Variants in MCTP2 observed in about 807,000 individuals in gnomAD.
MCTP2 encodes multiple C2 and transmembrane domain containing 2.
In MCTP2, 132 loss-of-function variants were observed where a neutral mutation model predicts 111.6. That is an observed-to-expected ratio of 1.18 (90% CI 1.03 to 1.37). The LOEUF (loss-of-function observed/expected upper bound fraction) is 1.37. Ranked by LOEUF, MCTP2 falls within the 40% of genes most tolerant of loss-of-function variation. The pLI, the probability that MCTP2 is intolerant of heterozygous loss-of-function variation, is 0.00. For missense variants in MCTP2, 1,183 were observed against 1,067.9 expected (o/e 1.11, Z -1.50); for synonymous variants, 395 against 387.7 (o/e 1.02, Z -0.22).
rs147054727 is a variant in MCTP2, at chr15:94,421,163, C to T, written c.2086-19013C>T. Among the ~76,000 whole-genome samples, 559 of 151,568 alleles carry T rather than the reference C, an allele frequency of 3.7e-3. 1 individual carries two copies. The highest frequency in any genetic ancestry group is 4.9e-3 in the Non-Finnish European group (334 of 67,944). ...TATTTACTTCACCTTTTTAGACATA[C>T]GCTGTTGCATACTTAATGTTGCAAC... On this transcript the variant is annotated intron_variant, in intron 17 of 22. Coordinates refer to ENST00000357742, the MANE Select transcript of MCTP2 (RefSeq NM_001385001.1).
intron 17 of MCTP2, among the ~76,000 whole-genome samples, chr15:94,417,155 A>G (rs2082413761): frequency 6.6e-6 from 1 of 152,134 alleles, no homozygotes; most frequent in South Asian, 2.1e-4. Context: ...TATTAAAATA[A>G]ACAATCCCTT....
chr15:94,458,676 C>G (rs1350537641), intron 20 of MCTP2, among the ~76,000 whole-genome samples: 1 of 152,146 alleles, frequency 6.6e-6, no homozygotes, highest in African/African-American at 2.4e-5. Flanking sequence ...AGATACACAT[C>G]TAGTAGCACC....
intron 4 of MCTP2, among the ~76,000 whole-genome samples, chr15:94,330,060 T>C (rs184649416): frequency 1.3e-5 from 2 of 152,368 alleles, no homozygotes; most frequent in East Asian, 3.9e-4. Flanking sequence ...TGGCATGTTT[T>C]TTCTATGCCT....
chr15:94,355,402 G>T (rs897274265), intron 8 of MCTP2, among the ~76,000 whole-genome samples: 35 of 152,284 alleles, frequency 2.3e-4, no homozygotes, highest in Admixed American at 7.2e-4. Flanking sequence ...AAAATGAAGT[G>T]TGACTACTCT....
chr15:94,282,381 T>G (rs1301000282), intron 1 of MCTP2, among the ~76,000 whole-genome samples: 2 of 152,236 alleles, frequency 1.3e-5, no homozygotes, highest in Non-Finnish European at 2.9e-5. Context: ...CATGAGTGAT[T>G]CATTTCCAGA....
chr15:94,244,598 G>A (rs1429116711), intron 1 of MCTP2, among the ~76,000 whole-genome samples: 1 of 143,982 alleles, frequency 6.9e-6, no homozygotes, highest in South Asian at 2.2e-4. Context: ...ATGCACCTAT[G>A]TTTATATACG....
intron 17 of MCTP2, among the ~76,000 whole-genome samples, chr15:94,404,449 G>T (rs148490403): frequency 2.0e-5 from 3 of 151,574 alleles, no homozygotes; most frequent in African/African-American, 7.3e-5. Context: ...CTACAGGCAC[G>T]CACCACCATG....
At chr15:94,319,368 CAG>C (rs1432939224) in intron 4 of MCTP2, among the ~76,000 whole-genome samples, 1 of 152,180 alleles carries the variant, frequency 6.6e-6, no homozygotes, top group Admixed American at 6.5e-5. Flanking sequence ...AACCCAGACT[CAG>C]AAGTTTTATC....
At position 94,379,907 on chromosome 15, in the gene MCTP2, G is replaced by A. The variant is rs1030035387; in HGVS notation, c.1583-4115G>A. On this transcript the variant is annotated intron_variant, in intron 12 of 22. Coordinates refer to ENST00000357742, the MANE Select transcript of MCTP2 (RefSeq NM_001385001.1). ...ATATATAATATATATGATATATAAT[G>A]TATAATATAATATATATAATATATA... Among the ~76,000 whole-genome samples the A allele has an allele frequency of 2.8e-5, 4 of 145,140 alleles. No individual in the cohort carries two copies. The East Asian group carries it at 5.9e-4, about 21-fold the overall frequency.
intron 1 of MCTP2, among the ~76,000 whole-genome samples, chr15:94,243,748 T>C (rs1173425523): frequency 1.4e-5 from 2 of 147,098 alleles, no homozygotes; most frequent in African/African-American, 2.5e-5. Context: ...CATATATGTA[T>C]ACACATGCAT....
At chr15:94,243,910 T>G (rs2071403267) in intron 1 of MCTP2, among the ~76,000 whole-genome samples, 2 of 125,822 alleles carry the variant, frequency 1.6e-5, no homozygotes, top group African/African-American at 5.7e-5. Flanking sequence ...CACATACATA[T>G]GTGTATATAT....
chr15:94,270,212 C>T (rs1391434840), intron 1 of MCTP2, among the ~76,000 whole-genome samples: 1 of 152,164 alleles, frequency 6.6e-6, no homozygotes, highest in Non-Finnish European at 1.5e-5. Context: ...AATGTTTCCA[C>T]CCCAAGTGCC....
chr15:94,336,238 T>C (rs2077353410), intron 4 of MCTP2, among the ~76,000 whole-genome samples: 1 of 152,008 alleles, frequency 6.6e-6, no homozygotes, highest in Non-Finnish European at 1.5e-5. Context: ...GGAATGACCT[T>C]CTCTGCCTGT....
chr15:94,410,165 A>G (rs1181654769), intron 17 of MCTP2, among the ~76,000 whole-genome samples: 3 of 152,340 alleles, frequency 2.0e-5, no homozygotes, highest in African/African-American at 7.2e-5. Context: ...TTGGTGGGTG[A>G]TGGTATTCTT....
chr15:94,243,287 G>A lies in MCTP2; in HGVS notation c.-66+11623G>A, dbSNP rs1202139397. ...CATACGTATGCGTACATACGTATGC[G>A]TATATGCATATATACATACATACGT... On this transcript the variant is annotated intron_variant, in intron 1 of 22. Coordinates refer to ENST00000357742, the MANE Select transcript of MCTP2 (RefSeq NM_001385001.1). 8.2e-5 allele frequency among the ~76,000 whole-genome samples: 12 copies of A among 146,608 alleles called. No homozygotes were observed. The South Asian group carries it at 1.1e-3, about 13-fold the overall frequency.
Position 94,291,507 on chromosome 15 carries a change from A to G in MCTP2, c.-65-6694A>G, listed in dbSNP as rs1346282834. 3.3e-5 allele frequency among the ~76,000 whole-genome samples: 5 copies of G among 152,148 alleles called. No homozygotes were observed. The East Asian group carries it at 9.6e-4, about 29-fold the overall frequency. Reference sequence around the variant, plus strand: ...TCCCAGCTATCTGGGAGGCTGTGGCAGGAGAATTGCTTGAACCGGGGAGGT... The same window carrying G: ...TCCCAGCTATCTGGGAGGCTGTGGCGGGAGAATTGCTTGAACCGGGGAGGT... On this transcript the variant is annotated intron_variant, in intron 1 of 22. Transcript: ENST00000357742.
At chr15:94,433,083 G>GGATTTGTTA (rs3837729) in intron 17 of MCTP2, among the ~76,000 whole-genome samples, 29,882 of 151,732 alleles carry the variant, frequency 0.2, 3,193 homozygotes, top group East Asian at 0.42. Flanking sequence ...AATACATAGG[G>GGATTTGTTA]GATTTGTTAG....
At position 94,356,220 on chromosome 15, in the gene MCTP2, G is replaced by C. The variant is rs2152424046; in HGVS notation, c.1089G>C (p.Leu363Phe). 6.2e-7 allele frequency: 1 copy of C among 1,613,494 alleles called. No individual in the cohort carries two copies. The highest frequency in any genetic ancestry group is 1.7e-5 in the Admixed American group (1 of 59,984). Residue 363 changes from leucine to phenylalanine, a missense_variant, in exon 9 of 23, where the codon TTG (leucine) becomes TTC (phenylalanine). Transcript: ENST00000357742. ...LWNGIISITL[L>F]EGKNVSGGSM... ...ACGGGATTATAAGTATAACTTTGTT[G>C]GAAGGGAAGAATGTCTCAGGAGGAA...
Position 94,356,249 on chromosome 15 carries a change from T to C in MCTP2, c.1118T>C (p.Met373Thr), listed in dbSNP as rs2078617929. 7 of 1,612,916 alleles carry C rather than the reference T, an allele frequency of 4.3e-6. No individual in the cohort carries two copies. In the East Asian group the frequency reaches 1.1e-4, roughly 26 times the overall value. ...GGGAAGAATGTCTCAGGAGGAAGCATGACAGAGATGTTTGTCCAGTTAAAA... is the reference window on the plus strand; with the variant it reads ...GGGAAGAATGTCTCAGGAGGAAGCACGACAGAGATGTTTGTCCAGTTAAAA... Reference protein sequence around the residue: ...LEGKNVSGGSMTEMFVQLKLG... With the variant: ...LEGKNVSGGSTTEMFVQLKLG... Residue 373 changes from methionine (M) to threonine (T), a missense_variant, in exon 9 of 23, where the codon ATG (methionine) becomes ACG (threonine). Physicochemically the swap from Met to Thr is moderately conservative, Grantham distance 81. Transcript: ENST00000357742.
Sources: allele counts gnomAD v4.1 joint callset (sites outside exome capture counted in the v4.1 genomes callset), GRCh38; gene constraint gnomAD v4.1.1; transcripts MANE v1.5; gene names NCBI Gene and HGNC (gene_info 2026-07-23, HGNC 2026-07-21).